The following NEDD4L variants were observed in gnomAD, a reference collection of about 807,000 sequenced individuals.
NEDD4L encodes NEDD4 like E3 ubiquitin protein ligase.
A neutral mutation model predicts 148.9 loss-of-function variants in NEDD4L; 54 were observed. The observed-to-expected ratio is 0.36, with a 90% CI of 0.29 to 0.45. NEDD4L has a LOEUF of 0.45. NEDD4L is among the 20% of genes least tolerant of loss of function. The probability of loss-of-function intolerance (pLI) is 1.00; values close to 1 mark genes in which losing one functional copy is unlikely to be tolerated. For missense variants in NEDD4L, 856 were observed against 1,233.8 expected, an observed-to-expected ratio of 0.69 and a Z score of 4.59; for synonymous variants, 433 against 440.7, an observed-to-expected ratio of 0.98 and a Z score of 0.22.
intron 1 of NEDD4L, among the ~76,000 whole-genome samples, chr18:58,153,668 A>T (rs2035084161): frequency 6.7e-6 from 1 of 149,494 alleles, no homozygotes; most frequent in Non-Finnish European, 1.5e-5. Context: ...TTTTTTTGAG[A>T]TGGAGTCTCG....
At chr18:58,343,168 C>T (rs2042631545) in intron 16 of NEDD4L, 65 bp downstream of exon 16, 2 of 1,443,072 alleles carry the variant, frequency 1.4e-6, no homozygotes, top group Non-Finnish European at 1.9e-6. Context: ...TCCTTGATTT[C>T]CTTAGTGTTT....
chr18:58,290,272 G>T (rs1268070099), intron 5 of NEDD4L, among the ~76,000 whole-genome samples: 1 of 152,198 alleles, frequency 6.6e-6, no homozygotes, highest in Non-Finnish European at 1.5e-5. Context: ...TCAACAACCA[G>T]ATTTGTTTTG....
chr18:58,098,100 A>G lies in NEDD4L; in HGVS notation c.48+53392A>G, dbSNP rs1279731027. Among the ~76,000 whole-genome samples, 6 of 152,302 alleles carry G rather than the reference A, an allele frequency of 3.9e-5. 1 individual carries two copies. ...GCTTTCCCTGCTTAGTTTTATCCAG[A>G]TGACTGTTAGAATAGTGGTGAAGAA... On this transcript the variant is annotated intron_variant, in intron 1 of 30. Transcript: ENST00000400345.
At chr18:58,285,287 T>C (rs1218018120) in intron 5 of NEDD4L, among the ~76,000 whole-genome samples, 1 of 152,038 alleles carries the variant, frequency 6.6e-6, no homozygotes, top group Non-Finnish European at 1.5e-5. Flanking sequence ...TCTAAAAGTC[T>C]CCAAGAAGCT....
intron 5 of NEDD4L, among the ~76,000 whole-genome samples, chr18:58,286,986 C>CTATATAA (rs2053998957): frequency 6.6e-6 from 1 of 152,010 alleles, no homozygotes; most frequent in African/African-American, 2.4e-5. Context: ...TTTTATTTGC[C>CTATATAA]CAGAATGAAC....
intron 1 of NEDD4L, among the ~76,000 whole-genome samples, chr18:58,082,769 C>G (rs889185526): frequency 3.4e-5 from 4 of 117,628 alleles, no homozygotes; most frequent in Non-Finnish European, 6.7e-5. Context: ...GCCTGGGTGA[C>G]AAGAGCAAGA....
chr18:58,173,054 G>A lies in NEDD4L; in HGVS notation c.122+7193G>A, dbSNP rs137878897. 9.3e-3 allele frequency among the ~76,000 whole-genome samples: 1,410 copies of A among 152,226 alleles called. 53 individuals carry two copies. Among genetic ancestry groups the A allele is most frequent in the Admixed American group, 0.06 (920 of 15,290 alleles). ...ATTTAGAATAGGTATATTTTGCTAAGTAAGATCTTAAAGTTTTTCCTTTAA... is the reference window on the plus strand; with the variant it reads ...ATTTAGAATAGGTATATTTTGCTAAATAAGATCTTAAAGTTTTTCCTTTAA... On this transcript the variant is annotated intron_variant, in intron 2 of 30. Coordinates refer to ENST00000400345, the MANE Select transcript of NEDD4L (RefSeq NM_001144967.3).
chr18:58,147,777 GT>G (rs2034251243), intron 1 of NEDD4L, among the ~76,000 whole-genome samples: 4 of 152,154 alleles, frequency 2.6e-5, no homozygotes, highest in Admixed American at 2.6e-4. Flanking sequence ...GTCTCATTCT[GT>G]TTTCTTTTGG....
intron 2 of NEDD4L, among the ~76,000 whole-genome samples, chr18:58,206,319 A>G (rs1238833487): frequency 6.6e-6 from 1 of 152,032 alleles, no homozygotes; most frequent in Non-Finnish European, 1.5e-5. Context: ...AACCCAGGAG[A>G]CAGAGGTTGC....
At chr18:58,284,652 T>A (rs1240526217) in intron 5 of NEDD4L, among the ~76,000 whole-genome samples, 1 of 152,226 alleles carries the variant, frequency 6.6e-6, no homozygotes, top group Non-Finnish European at 1.5e-5. Context: ...ATCTTGTTCT[T>A]TTCAGTAAAT....
chr18:58,343,987 C>G (rs577988666), intron 16 of NEDD4L, among the ~76,000 whole-genome samples: 1 of 152,276 alleles, frequency 6.6e-6, no homozygotes, highest in East Asian at 1.9e-4. Context: ...ATCGAATTGT[C>G]TAGCTAGAGT....
intron 15 of NEDD4L, among the ~76,000 whole-genome samples, chr18:58,342,004 A>G (rs185547087): frequency 6.6e-6 from 1 of 152,076 alleles, no homozygotes; most frequent in Non-Finnish European, 1.5e-5. Context: ...CCTGATTCTC[A>G]TTCTCATTTG....
At position 58,265,177 on chromosome 18, in the gene NEDD4L, T is replaced by C. The variant is rs1002945548; in HGVS notation, c.297+13123T>C. ...CAGTGGGCCAGTGGGAGGGGCCTCA[T>C]TGAAAGACTGAAGGTAGATGTGCCT... On this transcript the variant is annotated intron_variant, in intron 5 of 30. Transcript: ENST00000400345. Among the ~76,000 whole-genome samples, 10 of 152,032 alleles carry C rather than the reference T, an allele frequency of 6.6e-5. 1 individual carries two copies. Among genetic ancestry groups the C allele is most frequent in the African/African-American group, 2.2e-4 (9 of 41,394 alleles).
intron 24 of NEDD4L, among the ~76,000 whole-genome samples, chr18:58,376,616 C>T (rs2047591845): frequency 6.6e-6 from 1 of 152,198 alleles, no homozygotes; most frequent in South Asian, 2.1e-4. Flanking sequence ...ACACCCAAGT[C>T]CAAGCTCCCA....
intron 1 of NEDD4L, among the ~76,000 whole-genome samples, chr18:58,097,838 C>T (rs2084515514): frequency 6.6e-6 from 1 of 152,002 alleles, no homozygotes; most frequent in African/African-American, 2.4e-5. Flanking sequence ...TCAAGACCAG[C>T]CTGGACAACA....
chr18:58,224,686 T>C (rs2044158613), intron 2 of NEDD4L, among the ~76,000 whole-genome samples: 1 of 152,240 alleles, frequency 6.6e-6, no homozygotes, highest in African/African-American at 2.4e-5. Context: ...TCCTGTTCAT[T>C]ACTTGAAAAC....
intron 9 of NEDD4L, among the ~76,000 whole-genome samples, chr18:58,326,522 A>C (rs1489828291): frequency 1.3e-5 from 2 of 152,322 alleles, no homozygotes; most frequent in South Asian, 4.1e-4. Context: ...CATTGTAGCT[A>C]TTTGTAGTAA....
chr18:58,142,208 G>A (rs1244466445), intron 1 of NEDD4L, among the ~76,000 whole-genome samples: 4 of 58,952 alleles, frequency 6.8e-5, no homozygotes, highest in Admixed American at 4.5e-4. Context: ...CACCACGCCC[G>A]GCTAATTTTT....
chr18:58,107,771 A>G (rs559046), intron 1 of NEDD4L, among the ~76,000 whole-genome samples: 21,438 of 152,114 alleles, frequency 0.14, 1,670 homozygotes, highest in Admixed American at 0.23. Context: ...CAAAGAGGAA[A>G]GGACTTTTTT....
Sources: allele counts gnomAD v4.1 joint callset (sites outside exome capture counted in the v4.1 genomes callset), GRCh38; gene constraint gnomAD v4.1.1; transcripts MANE v1.5; gene names NCBI Gene and HGNC (gene_info 2026-07-23, HGNC 2026-07-21).